The following PITPNM2 variants were observed in gnomAD, a reference collection of about 807,000 sequenced individuals.
PITPNM2 encodes membrane-associated phosphatidylinositol transfer protein 2.
A neutral mutation model predicts 132.2 loss-of-function variants in PITPNM2; 35 were observed. That is an observed-to-expected ratio of 0.26 (90% CI 0.20 to 0.35). PITPNM2 has a LOEUF of 0.35. Among genes scored for constraint, PITPNM2 ranks in the 10% least tolerant of loss-of-function variants. PITPNM2 has a pLI of 1.00. For missense variants in PITPNM2, 1,332 were observed against 1,912.0 expected, an observed-to-expected ratio of 0.70 and a Z score of 5.66; for synonymous variants, 738 against 799.2, an observed-to-expected ratio of 0.92 and a Z score of 1.29.
In PITPNM2 at chr12:122,986,254, T is replaced by C. The variant is rs1036636420; in HGVS notation, c.3823A>G (p.Lys1275Glu). ...RNTATRMALR[K>E]GSFGLPGQGD... ...TGGCCGGGCAGGCCGAAGCTGCCCT[T>C]GCGCAGCGCCATGCGGGTGGCCGTG... The change falls in exon 26 of 26, where the codon AAG (lysine) becomes GAG (glutamate). Residue 1275 changes from lysine to glutamate, a missense_variant. Lys to Glu is a moderately conservative substitution (Grantham distance 56, BLOSUM62 1). This residue lies in a region of PITPNM2 where 163 missense variants were observed against 177.2 expected (regional missense o/e 0.92). Coordinates refer to ENST00000320201, the MANE Select transcript of PITPNM2 (RefSeq NM_020845.3). The C allele has an allele frequency of 1.3e-6, 2 of 1,580,304 alleles. No individual in the cohort carries two copies.
intron 1 of PITPNM2, among the ~76,000 whole-genome samples, chr12:123,123,455 A>T (rs917311441): frequency 6.6e-6 from 1 of 152,022 alleles, no homozygotes; most frequent in Non-Finnish European, 1.5e-5. Flanking sequence ...CTACAAAAAT[A>T]AAAAAATTAG....
Position 122,996,584 on chromosome 12 carries a change from A to G in PITPNM2, c.1663-7T>C. On this transcript the variant is annotated splice_region_variant and splice_polypyrimidine_tract_variant and intron_variant, in intron 12 of 25. Coordinates refer to ENST00000320201, the MANE Select transcript of PITPNM2 (RefSeq NM_020845.3). Reference sequence around the variant, plus strand: ...AGTCCCCAATCAGGCAGACCTTGGGAGAGAGGGGCCAGAGGCCTGAGCCAT... The same window carrying G: ...AGTCCCCAATCAGGCAGACCTTGGGGGAGAGGGGCCAGAGGCCTGAGCCAT... The G allele has an allele frequency of 3.1e-6, 5 of 1,613,006 alleles. No homozygotes were observed. The highest frequency in any genetic ancestry group is 4.2e-6 in the Non-Finnish European group (5 of 1,179,972).
rs1335720316 is a variant in PITPNM2, at chr12:123,031,895, G to C, written c.78+2618C>G. Among the ~76,000 whole-genome samples, 1 of 152,244 alleles carries C rather than the reference G, an allele frequency of 6.6e-6. No homozygotes were observed. Among genetic ancestry groups the C allele is most frequent in the Non-Finnish European group, 1.5e-5 (1 of 68,038 alleles). ...GCTCAGAGGAGCAGCAATGACTCCA[G>C]CTAGCCCTTAGAGGCCACAGTGTCT... is the stretch of plus-strand genomic sequence containing the variant. On this transcript the variant is annotated intron_variant, in intron 3 of 25. Coordinates refer to ENST00000320201, the MANE Select transcript of PITPNM2 (RefSeq NM_020845.3). This position sits in a 1 kb window ranked among gnomAD's most constrained non-coding sequence, Gnocchi z 4.5.
At position 122,995,556 on chromosome 12, in the gene PITPNM2, ACTGCCACCACCACCACTG is replaced by A. The variant is rs780615044; in HGVS notation, c.1869_1886del (p.Gly627_Gly632del). 3.7e-6 allele frequency: 6 copies of A among 1,609,218 alleles called. No homozygotes were observed. Among genetic ancestry groups the A allele is most frequent in the South Asian group, 2.2e-5 (2 of 91,072 alleles). On this transcript the variant is annotated inframe_deletion, in exon 14 of 26. Transcript: ENST00000320201. ...TGCTCTCCAGGCTGGAGCCACCACT[ACTGCCACCACCACCACTG>A]CTGCCACCACCGCCACCGCCGCCAC...
At chr12:123,002,904 A>C (rs1332095386) in intron 8 of PITPNM2, among the ~76,000 whole-genome samples, 2 of 151,990 alleles carry the variant, frequency 1.3e-5, no homozygotes, top group Non-Finnish European at 2.9e-5. Context: ...GGTTTAAAAA[A>C]ATTTTTTTAT....
In PITPNM2 at chr12:123,018,293, CT is replaced by C. The variant is rs3085478; in HGVS notation, c.79-4252del. Reference sequence around the variant, plus strand: ...TTTAATTTCTTTTCTTTTTTCTTTTCTTTTTTTTTTTTTTTTTTTGAGACAG... The same window carrying C: ...TTTAATTTCTTTTCTTTTTTCTTTTCTTTTTTTTTTTTTTTTTTGAGACAG... On this transcript the variant is annotated intron_variant, in intron 3 of 25. Transcript: ENST00000320201. Among the ~76,000 whole-genome samples the C allele has an allele frequency of 1.9e-3, 245 of 126,308 alleles. 1 individual carries two copies. Among genetic ancestry groups the C allele is most frequent in the African/African-American group, 5.7e-3 (184 of 32,140 alleles). The allele number at this position is 126,308 out of a possible 152,430, so 82.9% of individuals were successfully genotyped here.
In PITPNM2 at chr12:122,994,859, G is replaced by A. The variant is rs772783807; in HGVS notation, c.2175C>T (p.Phe725=). 1.6e-5 allele frequency: 26 copies of A among 1,611,972 alleles called. No homozygotes were observed. The highest frequency in any genetic ancestry group is 2.2e-5 in the East Asian group (1 of 44,866). The change falls in exon 15 of 26, where the codon TTC becomes TTT. Residue 725 remains phenylalanine, a synonymous_variant. Coordinates refer to ENST00000320201, the MANE Select transcript of PITPNM2 (RefSeq NM_020845.3). The surrounding 1 kb of genome is among the most constrained non-coding windows in gnomAD (Gnocchi z 5.4). ...CCAGGACCAGCCCCAGCGGGCACCCGAAGAGGAAGAGGTCGGTGATCTCAA... is the reference window on the plus strand; with the variant it reads ...CCAGGACCAGCCCCAGCGGGCACCCAAAGAGGAAGAGGTCGGTGATCTCAA... ...FDFEITDLFL[F]GCPLGLVLAL...
intron 2 of PITPNM2, among the ~76,000 whole-genome samples, chr12:123,053,944 T>C (rs1331081302): frequency 6.6e-6 from 1 of 152,214 alleles, no homozygotes; most frequent in Non-Finnish European, 1.5e-5. Flanking sequence ...CTTGTATTTA[T>C]TTGTGTGTGC....
rs989643942 is a variant in PITPNM2, at chr12:123,082,188, C to T, written c.-96+28197G>A. Among the ~76,000 whole-genome samples, 25 of 152,338 alleles carry T rather than the reference C, an allele frequency of 1.6e-4. No homozygotes were observed. Among genetic ancestry groups the T allele is most frequent in the South Asian group, 8.3e-4 (4 of 4,820 alleles). ...TGCCACCTCTCCGCCCTGGCAAGGC[C>T]GTGGGCAAGTTCCTGCCTTGGGGCA... On this transcript the variant is annotated intron_variant, in intron 2 of 25. Transcript: ENST00000320201. The surrounding 1 kb of genome is among the most constrained non-coding windows in gnomAD (Gnocchi z 5.4).
At chr12:123,048,570 G>A (rs755919825) in intron 2 of PITPNM2, among the ~76,000 whole-genome samples, 2 of 151,982 alleles carry the variant, frequency 1.3e-5, no homozygotes, top group Admixed American at 6.6e-5. Flanking sequence ...CCGCCACCGC[G>A]CCCGGCTAAT....
intron 2 of PITPNM2, among the ~76,000 whole-genome samples, chr12:123,045,194 T>G (rs1260045570): frequency 6.6e-6 from 1 of 152,196 alleles, no homozygotes; most frequent in Non-Finnish European, 1.5e-5. Flanking sequence ...AGCTCCCATA[T>G]ATCTGCAAAA....
rs1340466072 is a variant in PITPNM2 at position 123,009,270 on chromosome 12, G to A, written c.643+580C>T. Among the ~76,000 whole-genome samples, 3 of 152,178 alleles carry A rather than the reference G, an allele frequency of 2.0e-5. No homozygotes were observed. Among genetic ancestry groups the A allele is most frequent in the African/African-American group, 4.8e-5 (2 of 41,428 alleles). On this transcript the variant is annotated intron_variant, in intron 6 of 25. Transcript: ENST00000320201. The surrounding 1 kb of genome is among the most constrained non-coding windows in gnomAD (Gnocchi z 4.8). The stretch of plus-strand genomic sequence containing the variant: ...GAGGGGGGTTTAGGGCTCTAGGTGA[G>A]GAAATGGCACTCACTGCACCAGGAC...
In PITPNM2 at chr12:123,005,144, A is replaced by G; in HGVS notation, c.952+96T>C. On this transcript the variant is annotated intron_variant, in intron 7 of 25. Coordinates refer to ENST00000320201, the MANE Select transcript of PITPNM2 (RefSeq NM_020845.3). This position sits in a 1 kb window ranked among gnomAD's most constrained non-coding sequence, Gnocchi z 6.2. ...GGCTTGGTGCCTCAATGTCCATGGG[A>G]AAGAACTCTGAGGAGGTGCAGTGAT... 8 of 1,419,886 alleles carry G rather than the reference A, an allele frequency of 5.6e-6. No homozygotes were observed. The highest frequency in any genetic ancestry group is 7.7e-6 in the Non-Finnish European group (8 of 1,041,514). The allele number at this position is 1,419,886 out of a possible 1,614,324, so 88.0% of individuals were successfully genotyped here. A position where few individuals can be genotyped will look rare whatever the true frequency, so the allele number is the denominator to read the frequency against.
chr12:123,069,565 T>C (rs1214823733), intron 2 of PITPNM2, among the ~76,000 whole-genome samples: 1 of 152,174 alleles, frequency 6.6e-6, no homozygotes, highest in Admixed American at 6.5e-5. Context: ...CAAAGAGCCC[T>C]TCCCCCAGGT....
intron 1 of PITPNM2, among the ~76,000 whole-genome samples, chr12:123,144,149 C>T (rs1179789314): frequency 2.0e-5 from 3 of 152,334 alleles, no homozygotes; most frequent in African/African-American, 7.2e-5. Context: ...GAGGGGACAT[C>T]CTCTATCTTC....
At chr12:123,038,814 A>G (rs1372850439) in intron 2 of PITPNM2, among the ~76,000 whole-genome samples, 2 of 151,846 alleles carry the variant, frequency 1.3e-5, no homozygotes, top group East Asian at 3.9e-4. Flanking sequence ...AAAAATAATT[A>G]CCTGGCCGGG....
Position 122,987,310 on chromosome 12 carries a change from C to T in PITPNM2, c.3384G>A (p.Lys1128=), listed in dbSNP as rs1474984062. The T allele has an allele frequency of 4.3e-6, 7 of 1,612,034 alleles. No homozygotes were observed. Among genetic ancestry groups the T allele is most frequent in the Non-Finnish European group, 5.9e-6 (7 of 1,180,018 alleles). Residue 1128 remains lysine, a synonymous_variant, in exon 23 of 26, where the codon AAG becomes AAA. Coordinates refer to ENST00000320201, the MANE Select transcript of PITPNM2 (RefSeq NM_020845.3). ...CCACGTCCACGGCCCCGGCCCGCAC[C>T]TTGGGGTCGCTGCCCATGATGGACA... ...ASVSIMGSDP[K]VRAGAVDVVR... is the part of the protein sequence containing the mutation.
At chr12:123,010,784 T>G (rs920919052) in intron 5 of PITPNM2, 1 of 155,006 alleles carries the variant, frequency 6.5e-6, no homozygotes, top group African/African-American at 2.4e-5. Context: ...GGTATAGATC[T>G]GAGGCTGAGA....
chr12:123,012,883 C>T, intron 4 of PITPNM2, 149 bp from the exon 5 acceptor site: 1 of 1,070,570 alleles, frequency 9.3e-7, no homozygotes, highest in African/African-American at 1.6e-5. Context: ...CTGCCCTGTC[C>T]ACCTCTTGGA....
Sources: allele counts gnomAD v4.1 joint callset (sites outside exome capture counted in the v4.1 genomes callset), GRCh38; gene constraint gnomAD v4.1.1; regional missense constraint gnomAD v4.1.1; non-coding constraint Gnocchi (gnomAD v3.1); transcripts MANE v1.5; gene names NCBI Gene and HGNC (gene_info 2026-07-23, HGNC 2026-07-21).